Variants in FYCO1 observed in about 807,000 individuals in gnomAD.
FYCO1 encodes FYVE and coiled-coil domain autophagy adaptor 1.
Under a neutral mutation model 165.1 loss-of-function variants are expected in FYCO1, and 122 were observed. The observed-to-expected ratio is 0.74, with a 90% CI of 0.64 to 0.86. The LOEUF (loss-of-function observed/expected upper bound fraction) is 0.86. FYCO1 is among the 40% of genes least tolerant of loss of function. FYCO1 has a pLI of 0.00. For synonymous variants in FYCO1, 648 were observed against 742.5 expected, an observed-to-expected ratio of 0.87 and a Z score of 2.07; for missense variants, 1,702 against 1,810.3, an observed-to-expected ratio of 0.94 and a Z score of 1.09.
Position 45,966,729 on chromosome 3 carries a change from C to T in FYCO1, c.2605G>A (p.Glu869Lys). The T allele has an allele frequency of 6.2e-7, 1 of 1,612,224 alleles. No individual in the cohort carries two copies. The highest frequency in any genetic ancestry group is 1.3e-5 in the African/African-American group (1 of 75,062). The change falls in exon 8 of 18, where the codon GAG becomes AAG. Residue 869 changes from glutamate (E) to lysine (K), a missense_variant. Coordinates refer to ENST00000296137, the MANE Select transcript of FYCO1 (RefSeq NM_024513.4). Reference protein sequence around the residue: ...RADEAQQREEELRALQEELSQ... With the variant: ...RADEAQQREEKLRALQEELSQ... ...AGCTCCTCCTGCAGGGCCCGCAGCT[C>T]CTCCTCCCTCTGCTGGGCCTCATCG...
chr3:45,959,296 G>C, intron 12 of FYCO1, 97 bp downstream of exon 12: 2 of 1,337,802 alleles, frequency 1.5e-6, no homozygotes, highest in Non-Finnish European at 2.1e-6. Context: ...GTCAGCCATG[G>C]TGCCAACACC....
chr3:45,938,825 C>T (rs531632124), intron 14 of FYCO1, among the ~76,000 whole-genome samples: 1 of 152,358 alleles, frequency 6.6e-6, no homozygotes, highest in South Asian at 2.1e-4. Context: ...TGTATACACA[C>T]ATGCAAACTA....
At chr3:45,950,087 G>T (rs1704909583) in intron 14 of FYCO1, among the ~76,000 whole-genome samples, 2 of 152,086 alleles carry the variant, frequency 1.3e-5, no homozygotes, top group Admixed American at 1.3e-4. Flanking sequence ...TCATGTGTGG[G>T]GCAGAGCCAG....
chr3:45,977,742 T>C (rs1433827354), intron 4 of FYCO1, among the ~76,000 whole-genome samples: 2 of 152,130 alleles, frequency 1.3e-5, no homozygotes, highest in Non-Finnish European at 2.9e-5. Flanking sequence ...TCTCCAGAAA[T>C]GGTTTCTTAG....
Position 45,981,441 on chromosome 3 carries a change from T to C in FYCO1, c.162+129A>G, listed in dbSNP as rs535918368. On this transcript the variant is annotated intron_variant, in intron 3 of 17. Coordinates refer to ENST00000296137, the MANE Select transcript of FYCO1 (RefSeq NM_024513.4). ...GCTGGCACTGGGGACTGCTCTGACC[T>C]TCAATCTAACCACGAGGGCTTACTG... The C allele has an allele frequency of 9.8e-6, 7 of 710,844 alleles. No individual in the cohort carries two copies. In the East Asian group the frequency reaches 1.9e-4, roughly 19 times the overall value. The allele number at this position is 710,844 out of a possible 1,614,324, so 44.0% of individuals were successfully genotyped here. A position where few individuals can be genotyped will look rare whatever the true frequency, so the allele number is the denominator to read the frequency against.
chr3:45,977,031 G>C (rs537891304), intron 4 of FYCO1, among the ~76,000 whole-genome samples: 1 of 152,230 alleles, frequency 6.6e-6, no homozygotes, highest in African/African-American at 2.4e-5. Flanking sequence ...AATCTTGATG[G>C]TATATCCTGT....
At chr3:45,922,958 G>A (rs1224991757) in intron 17 of FYCO1, among the ~76,000 whole-genome samples, 2 of 152,156 alleles carry the variant, frequency 1.3e-5, no homozygotes, top group Middle Eastern at 3.2e-3. Flanking sequence ...ACAGGGGCAG[G>A]TGCCCAGCCC....
At chr3:45,983,708 G>T (rs1410262970) in intron 2 of FYCO1, among the ~76,000 whole-genome samples, 1 of 152,178 alleles carries the variant, frequency 6.6e-6, no homozygotes, top group African/African-American at 2.4e-5. Context: ...GCAGAGACTG[G>T]CATTTCACTT....
Position 45,962,522 on chromosome 3 carries a change from C to T in FYCO1, c.3270-130G>A, listed in dbSNP as rs1705764008. 1 of 826,152 alleles carries T rather than the reference C, an allele frequency of 1.2e-6. No individual in the cohort carries two copies. The highest frequency in any genetic ancestry group is 1.7e-5 in the African/African-American group (1 of 59,256). The allele number at this position is 826,152 out of a possible 1,614,324, so 51.2% of individuals were successfully genotyped here. On this transcript the variant is annotated intron_variant, in intron 10 of 17. Transcript: ENST00000296137. The surrounding 1 kb of genome is among the most constrained non-coding windows in gnomAD (Gnocchi z 4.4). ...ATGGGGGAGCCCCTTGGTATCTGCT[C>T]ACAGCTTATGCAGTCCCCTAGCTTT...
At position 45,958,554 on chromosome 3, in the gene FYCO1, T is replaced by A. The variant is rs991957890; in HGVS notation, c.3653A>T (p.Lys1218Ile). Reference protein sequence around the residue: ...NNYVLSKHGGKKERCCRACFQ... With the variant: ...NNYVLSKHGGIKERCCRACFQ... ...ACAGGCTCGGCAGCAGCGCTCCTTT[T>A]TGCCACCGTGCTTGCTCAGGACGTA... Residue 1218 changes from lysine to isoleucine, a missense_variant, in exon 13 of 18, where the codon AAA (lysine) becomes ATA (isoleucine). Physicochemically the swap from Lys to Ile is moderately radical, Grantham distance 102. Transcript: ENST00000296137. 1 of 1,614,230 alleles carries A rather than the reference T, an allele frequency of 6.2e-7. No homozygotes were observed. Among genetic ancestry groups the A allele is most frequent in the African/African-American group, 1.3e-5 (1 of 75,066 alleles).
At chr3:45,937,259 T>A (rs1703947496) in intron 14 of FYCO1, among the ~76,000 whole-genome samples, 1 of 152,226 alleles carries the variant, frequency 6.6e-6, no homozygotes, top group African/African-American at 2.4e-5. Flanking sequence ...AAAATGGCTT[T>A]GCCCTCATGT....
At chr3:45,931,386 T>A in intron 15 of FYCO1, 105 bp from the exon 16 acceptor site, 1 of 1,048,990 alleles carries the variant, frequency 9.5e-7, no homozygotes, top group African/African-American at 1.6e-5. Context: ...TCGGAGACTC[T>A]TGAGAGGACA....
At chr3:45,990,684 CATAG>C (rs1707517909) in intron 1 of FYCO1, among the ~76,000 whole-genome samples, 1 of 152,180 alleles carries the variant, frequency 6.6e-6, no homozygotes, top group Non-Finnish European at 1.5e-5. Context: ...AAACAAAACA[CATAG>C]ATCCTTGCCC....
Position 45,966,759 on chromosome 3 carries a change from TCTC to T in FYCO1, c.2572_2574del (p.Glu858del), listed in dbSNP as rs756881249. 1.6e-5 allele frequency: 26 copies of T among 1,610,384 alleles called. No homozygotes were observed. The highest frequency in any genetic ancestry group is 3.4e-6 in the Non-Finnish European group (4 of 1,179,970). ...TCCCTCTGCTGGGCCTCATCGGCCC[TCTC>T]CTCCTGCAGTGCCCCTTCACGCTCC... is the stretch of plus-strand genomic sequence containing the variant. On this transcript the variant is annotated inframe_deletion, in exon 8 of 18. Transcript: ENST00000296137.
chr3:45,977,333 G>T (rs2125864763), intron 4 of FYCO1, among the ~76,000 whole-genome samples: 1 of 84,818 alleles, frequency 1.2e-5, no homozygotes, highest in East Asian at 3.9e-4. Flanking sequence ...TTTTAATCAG[G>T]CCCATTAACT....
At chr3:45,978,145 G>T (rs1015915646) in intron 4 of FYCO1, among the ~76,000 whole-genome samples, 12 of 152,224 alleles carry the variant, frequency 7.9e-5, no homozygotes, top group African/African-American at 2.9e-4. Context: ...AAGTAGATGT[G>T]TTTTAGCAAG....
At chr3:45,948,130 A>G (rs1704756854) in intron 14 of FYCO1, 1 of 167,340 alleles carries the variant, frequency 6.0e-6, no homozygotes, top group Admixed American at 6.5e-5. Flanking sequence ...GGTCCATGGA[A>G]TGCTTGAAAA....
At chr3:45,988,891 T>C (rs1251303462) in intron 1 of FYCO1, among the ~76,000 whole-genome samples, 1 of 152,222 alleles carries the variant, frequency 6.6e-6, no homozygotes, top group Non-Finnish European at 1.5e-5. Flanking sequence ...GTTTTTTCTA[T>C]ACCTGCCCAG....
In FYCO1 at chr3:45,966,561, C is replaced by A. The variant is rs748686944; in HGVS notation, c.2773G>T (p.Ala925Ser). The A allele has an allele frequency of 1.2e-6, 2 of 1,614,198 alleles. No individual in the cohort carries two copies. Among genetic ancestry groups the A allele is most frequent in the African/African-American group, 2.7e-5 (2 of 75,072 alleles). The change falls in exon 8 of 18, where the codon GCA becomes TCA. Residue 925 changes from alanine (A) to serine (S), a missense_variant. By Grantham distance (99) the Ala-to-Ser change is moderately conservative. Transcript: ENST00000296137. ...LTVEKERVEEALACAVQELQD... is the reference protein window; with the variant it reads ...LTVEKERVEESLACAVQELQD... ...AGCTCCTGGACAGCACAGGCCAGTG[C>A]CTCCTCCACTCGCTCCTTTTCCACG...
Sources: gnomAD v4.1 joint callset for allele counts (sites outside exome capture counted in the v4.1 genomes callset) on GRCh38, gnomAD v4.1.1 for gene constraint, Gnocchi (gnomAD v3.1) non-coding constraint, MANE v1.5 for transcripts, NCBI Gene and HGNC (gene_info 2026-07-23, HGNC 2026-07-21) for gene names.